The following IQCH variants were observed in gnomAD, a reference collection of about 807,000 sequenced individuals.
IQCH encodes IQ motif containing H, also known as IQ domain-containing protein H.
A neutral mutation model predicts 117.0 loss-of-function variants in IQCH; 98 were observed. The observed-to-expected ratio is 0.84, with a 90% CI of 0.71 to 0.99. IQCH has a LOEUF of 0.99. Among genes scored for constraint, IQCH ranks in the 50% least tolerant of loss-of-function variants. The pLI is 0.00. For missense variants in IQCH, 1,102 were observed against 1,243.8 expected, an observed-to-expected ratio of 0.89 and a Z score of 1.72; for synonymous variants, 412 against 448.2, an observed-to-expected ratio of 0.92 and a Z score of 1.02.
intron 4 of IQCH, among the ~76,000 whole-genome samples, chr15:67,294,661 C>T (rs1966842378): frequency 6.6e-6 from 1 of 152,204 alleles, no homozygotes; most frequent in South Asian, 2.1e-4. Flanking sequence ...AGGCAACACC[C>T]TGATGATTGT....
At chr15:67,361,599 T>C (rs954205354) in intron 8 of IQCH, among the ~76,000 whole-genome samples, 13 of 152,374 alleles carry the variant, frequency 8.5e-5, no homozygotes, top group African/African-American at 3.1e-4. Context: ...ATACAGGTAA[T>C]CAGTTTCTGT....
chr15:67,348,436 A>G (rs151018539), intron 6 of IQCH, among the ~76,000 whole-genome samples: 1 of 152,254 alleles, frequency 6.6e-6, no homozygotes, highest in Non-Finnish European at 1.5e-5. Flanking sequence ...TTGAGGACAC[A>G]AGATTAACAT....
rs1050034126 is a variant in IQCH, at chr15:67,416,458, A to C, written c.2098-473A>C. Among the ~76,000 whole-genome samples, 2 of 152,068 alleles carry C rather than the reference A, an allele frequency of 1.3e-5. No individual in the cohort carries two copies. The highest frequency in any genetic ancestry group is 4.8e-5 in the African/African-American group (2 of 41,404). ...CTTGAACCCGGGAGGCAGAGGTTGC[A>C]GTGAGCCAAGATCACGCCATTGCAC... is the stretch of plus-strand genomic sequence containing the variant. On this transcript the variant is annotated intron_variant, in intron 14 of 20. Coordinates refer to ENST00000335894, the MANE Select transcript of IQCH (RefSeq NM_001031715.3). This position sits in a 1 kb window ranked among gnomAD's most constrained non-coding sequence, Gnocchi z 5.1.
chr15:67,453,186 C>CA lies in IQCH; in HGVS notation c.2506-11940dup, dbSNP rs2082575016. ...TTGGTTCGAATTTCCTCCTGTAGCT[C>CA]AGAGTAGTTTGATCATCTGAAGCCT... is the stretch of plus-strand genomic sequence containing the variant. On this transcript the variant is annotated intron_variant, in intron 16 of 20. Transcript: ENST00000335894. The surrounding 1 kb of genome is among the most constrained non-coding windows in gnomAD (Gnocchi z 5.8). 6.6e-6 allele frequency among the ~76,000 whole-genome samples: 1 copy of CA among 152,162 alleles called. No homozygotes were observed. Among genetic ancestry groups the CA allele is most frequent in the Non-Finnish European group, 1.5e-5 (1 of 68,034 alleles).
rs1192491376 is a variant in IQCH, at chr15:67,443,620, T to G, written c.2506-21507T>G. On this transcript the variant is annotated intron_variant, in intron 16 of 20. Transcript: ENST00000335894. This position sits in a 1 kb window ranked among gnomAD's most constrained non-coding sequence, Gnocchi z 5.0. ...GCATTATCGTCCTACCTCCCACATATTACCTTCAGTCCTACAATTTGCTTT... is the reference window on the plus strand; with the variant it reads ...GCATTATCGTCCTACCTCCCACATAGTACCTTCAGTCCTACAATTTGCTTT... 6.6e-6 allele frequency among the ~76,000 whole-genome samples: 1 copy of G among 152,192 alleles called. No individual in the cohort carries two copies. Among genetic ancestry groups the G allele is most frequent in the East Asian group, 1.9e-4 (1 of 5,200 alleles).
At chr15:67,354,739 T>C (rs1969816676) in intron 6 of IQCH, among the ~76,000 whole-genome samples, 1 of 152,228 alleles carries the variant, frequency 6.6e-6, no homozygotes, top group African/African-American at 2.4e-5. Context: ...ATTTGTCTCG[T>C]ACACAAGAAA....
Position 67,411,625 on chromosome 15 carries a change from GTGTC to G in IQCH, c.2098-5302_2098-5299del, listed in dbSNP as rs375059218. Among the ~76,000 whole-genome samples the G allele has an allele frequency of 9.1e-4, 126 of 139,204 alleles. 6 individuals carry two copies. Among genetic ancestry groups the G allele is most frequent in the East Asian group, 7.0e-3 (32 of 4,572 alleles). The allele number at this position is 139,204 out of a possible 152,430, so 91.3% of individuals were successfully genotyped here. Reference sequence around the variant, plus strand: ...GCACATGACCCAATTACACCAATGTGTGTCTGTATGTGTGTATGTGTGTGTAATA... The same window carrying G: ...GCACATGACCCAATTACACCAATGTGTGTATGTGTGTATGTGTGTGTAATA... On this transcript the variant is annotated intron_variant, in intron 14 of 20. Coordinates refer to ENST00000335894, the MANE Select transcript of IQCH (RefSeq NM_001031715.3). The surrounding 1 kb of genome is among the most constrained non-coding windows in gnomAD (Gnocchi z 4.4).
chr15:67,306,815 A>G lies in IQCH; in HGVS notation c.387+27303A>G, dbSNP rs749909817. The stretch of plus-strand genomic sequence containing the variant: ...AAATAGTAACAAACAACCTTCTAAC[A>G]TTTTTTCTAGTAGGTCCTCAAAGGT... On this transcript the variant is annotated intron_variant, in intron 4 of 20. Transcript: ENST00000335894. The G allele has an allele frequency of 5.2e-5, 79 of 1,526,808 alleles. 3 individuals carry two copies. The South Asian group carries it at 9.3e-4, about 18-fold the overall frequency. 94.6% of individuals were successfully genotyped at this position (1,526,808 alleles called of 1,614,324 possible). A position where few individuals can be genotyped will look rare whatever the true frequency, so the allele number is the denominator to read the frequency against.
In IQCH at chr15:67,454,409, G is replaced by A. The variant is rs139373522; in HGVS notation, c.2506-10718G>A. ...CTTGACCTTGTGATCCGCCCGCCTCGGCCTCCCAAAGTATTCAAAATTCAC... is the reference window on the plus strand; with the variant it reads ...CTTGACCTTGTGATCCGCCCGCCTCAGCCTCCCAAAGTATTCAAAATTCAC... On this transcript the variant is annotated intron_variant, in intron 16 of 20. Transcript: ENST00000335894. The surrounding 1 kb of genome is among the most constrained non-coding windows in gnomAD (Gnocchi z 5.2). 4.5e-3 allele frequency among the ~76,000 whole-genome samples: 680 copies of A among 152,210 alleles called. 15 individuals carry two copies. The highest frequency in any genetic ancestry group is 0.032 in the East Asian group (166 of 5,180).
In IQCH at chr15:67,357,330, T is replaced by C. The variant is rs1969931065; in HGVS notation, c.638-15T>C. The stretch of plus-strand genomic sequence containing the variant: ...TTCTTCTGGAAAAGGTAACATGTAC[T>C]ATCTTCATCCACAGCCACTTTCACT... On this transcript the variant is annotated splice_polypyrimidine_tract_variant and intron_variant, in intron 6 of 20. Coordinates refer to ENST00000335894, the MANE Select transcript of IQCH (RefSeq NM_001031715.3). 1.9e-6 allele frequency: 3 copies of C among 1,568,956 alleles called. No individual in the cohort carries two copies. The highest frequency in any genetic ancestry group is 2.7e-5 in the African/African-American group (2 of 74,150).
intron 18 of IQCH, among the ~76,000 whole-genome samples, chr15:67,489,349 GA>G (rs1567231420): frequency 6.6e-6 from 1 of 150,892 alleles, no homozygotes; most frequent in African/African-American, 2.4e-5. Context: ...TTTTGAGATG[GA>G]ATTTTGCTCT....
At chr15:67,320,266 C>CA (rs534800768) in intron 4 of IQCH, among the ~76,000 whole-genome samples, 100 of 152,246 alleles carry the variant, frequency 6.6e-4, no homozygotes, top group African/African-American at 2.3e-3. Flanking sequence ...AGTATTTAAA[C>CA]AAAAATGCCT....
chr15:67,453,095 T>C lies in IQCH; in HGVS notation c.2506-12032T>C, dbSNP rs547650247. 1.3e-5 allele frequency among the ~76,000 whole-genome samples: 2 copies of C among 152,362 alleles called. No homozygotes were observed. Among genetic ancestry groups the C allele is most frequent in the Admixed American group, 1.3e-4 (2 of 15,304 alleles). ...CTCCATCAGGTCCTTTAAGGACTTC[T>C]CTGCATTGGTTATTCTAGTTATCCA... On this transcript the variant is annotated intron_variant, in intron 16 of 20. Coordinates refer to ENST00000335894, the MANE Select transcript of IQCH (RefSeq NM_001031715.3). The surrounding 1 kb of genome is among the most constrained non-coding windows in gnomAD (Gnocchi z 5.8).
At chr15:67,367,125 G>A (rs192496732) in intron 8 of IQCH, among the ~76,000 whole-genome samples, 70 of 152,252 alleles carry the variant, frequency 4.6e-4, no homozygotes, top group Middle Eastern at 3.4e-3. Flanking sequence ...AGGCCACAGA[G>A]GAAGGTGGTA....
intron 5 of IQCH, among the ~76,000 whole-genome samples, chr15:67,341,558 G>T (rs915956400): frequency 6.6e-6 from 1 of 152,138 alleles, no homozygotes; most frequent in Non-Finnish European, 1.5e-5. Context: ...TCATGCCTGG[G>T]CTTGGCTTCC....
At chr15:67,305,888 A>G (rs1967268469) in intron 4 of IQCH, among the ~76,000 whole-genome samples, 1 of 152,112 alleles carries the variant, frequency 6.6e-6, no homozygotes, top group African/African-American at 2.4e-5. Flanking sequence ...TCCAAATAGA[A>G]TGAGTGCCTT....
chr15:67,439,743 C>A (rs2140962047), intron 16 of IQCH, among the ~76,000 whole-genome samples: 1 of 151,984 alleles, frequency 6.6e-6, no homozygotes, highest in Non-Finnish European at 1.5e-5. Context: ...AAAAAAATAG[C>A]TGGGCGTGAT....
rs906597353 is a variant in IQCH at position 67,307,304 on chromosome 15, G to A, written c.387+27792G>A. 5 of 378,872 alleles carry A rather than the reference G, an allele frequency of 1.3e-5. No homozygotes were observed. In the Admixed American group the frequency reaches 1.9e-4, roughly 15 times the overall value. 23.5% of individuals were successfully genotyped at this position (378,872 alleles called of 1,614,324 possible). On this transcript the variant is annotated intron_variant, in intron 4 of 20. Coordinates refer to ENST00000335894, the MANE Select transcript of IQCH (RefSeq NM_001031715.3). ...GATTTTATGAGTCATATGTTATGCA[G>A]TGTTTTCCACTAACTTAGTTGGGTA...
intron 16 of IQCH, among the ~76,000 whole-genome samples, chr15:67,435,288 T>TA (rs1226910411): frequency 6.6e-6 from 1 of 151,790 alleles, no homozygotes; most frequent in African/African-American, 2.4e-5. Flanking sequence ...CGTATGTCTT[T>TA]AAAAAAAAGT....
Sources: gnomAD v4.1 joint callset for allele counts (sites outside exome capture counted in the v4.1 genomes callset) on GRCh38, gnomAD v4.1.1 for gene constraint, Gnocchi (gnomAD v3.1) non-coding constraint, MANE v1.5 for transcripts, NCBI Gene and HGNC (gene_info 2026-07-23, HGNC 2026-07-21) for gene names.